The following OTOG variants were observed in gnomAD, a reference collection of about 807,000 sequenced individuals.
OTOG encodes the protein otogelin.
In OTOG, 296 loss-of-function variants were observed where a neutral mutation model predicts 313.8. The observed-to-expected ratio is 0.94, with a 90% CI of 0.86 to 1.04. The LOEUF (loss-of-function observed/expected upper bound fraction) is 1.04. Among genes scored for constraint, OTOG ranks in the 50% least tolerant of loss-of-function variants. The pLI, the probability that OTOG is intolerant of heterozygous loss-of-function variation, is 0.00. For synonymous variants in OTOG, 1,533 were observed against 1,554.9 expected, an observed-to-expected ratio of 0.99 and a Z score of 0.33; for missense variants, 3,948 against 3,840.1, an observed-to-expected ratio of 1.03 and a Z score of -0.74.
intron 15 of OTOG, among the ~76,000 whole-genome samples, chr11:17,565,774 C>T (rs890203819): frequency 6.6e-6 from 1 of 152,160 alleles, no homozygotes; most frequent in African/African-American, 2.4e-5. Flanking sequence ...ATACAGTTGA[C>T]TCCTGTGTCC....
At chr11:17,593,898 C>T in intron 27 of OTOG, 142 bp downstream of exon 27, 2 of 1,393,764 alleles carry the variant, frequency 1.4e-6, no homozygotes, top group Non-Finnish European at 1.9e-6. Context: ...GGCCCCTTCT[C>T]CTCTGACATT....
In OTOG at chr11:17,608,281, C is replaced by T; in HGVS notation, c.4157-15C>T. The stretch of plus-strand genomic sequence containing the variant: ...TTCACCTGACCCAGAGTTGCTGCCC[C>T]ATCTCACTTTCTAGATGCCAAGCCC... On this transcript the variant is annotated splice_polypyrimidine_tract_variant and intron_variant, in intron 33 of 55. Transcript: ENST00000399397. 1 of 1,503,374 alleles carries T rather than the reference C, an allele frequency of 6.7e-7. No homozygotes were observed. The highest frequency in any genetic ancestry group is 1.4e-5 in the African/African-American group (1 of 71,820). 93.1% of individuals were successfully genotyped at this position (1,503,374 alleles called of 1,614,324 possible).
Position 17,573,102 on chromosome 11 carries a change from G to A in OTOG, c.2105G>A (p.Ser702Asn). The change falls in exon 19 of 56, where the codon AGC (serine) becomes AAC (asparagine). Residue 702 changes from serine to asparagine, a missense_variant. Transcript: ENST00000399397. ...GCCTCCTACTCAGTGCAGGCCTGCAGCGTGCTCACGGGGGAGATGTTTGCG... is the reference window on the plus strand; with the variant it reads ...GCCTCCTACTCAGTGCAGGCCTGCAACGTGCTCACGGGGGAGATGTTTGCG... ...QAASYSVQAC[S>N]VLTGEMFAPC... 6.5e-7 allele frequency: 1 copy of A among 1,548,410 alleles called. No homozygotes were observed. Among genetic ancestry groups the A allele is most frequent in the Non-Finnish European group, 8.7e-7 (1 of 1,146,942 alleles).
chr11:17,587,881 C>T (rs912235992), intron 24 of OTOG, among the ~76,000 whole-genome samples: 1 of 152,110 alleles, frequency 6.6e-6, no homozygotes, highest in African/African-American at 2.4e-5. Context: ...CTGGATTTGC[C>T]CAGGGGTGCT....
chr11:17,583,238 G>T (rs952183243), intron 23 of OTOG, among the ~76,000 whole-genome samples: 2 of 152,072 alleles, frequency 1.3e-5, no homozygotes, highest in African/African-American at 2.4e-5. Context: ...TAGCTCAAGC[G>T]ATTCTCCCGC....
At chr11:17,600,818 C>T (rs917672389) in intron 31 of OTOG, among the ~76,000 whole-genome samples, 2 of 152,222 alleles carry the variant, frequency 1.3e-5, no homozygotes, top group African/African-American at 4.8e-5. Flanking sequence ...GTGGCAGTAA[C>T]TGGCAAAGGA....
At chr11:17,548,252 C>T (rs748456656) in intron 3 of OTOG, 40 bp downstream of exon 3, 2 of 1,500,530 alleles carry the variant, frequency 1.3e-6, no homozygotes, top group South Asian at 1.3e-5. Context: ...TGAGCAGGAG[C>T]TCATGTCTAT....
At chr11:17,586,905 G>A (rs547728526) in intron 24 of OTOG, among the ~76,000 whole-genome samples, 15 of 152,338 alleles carry the variant, frequency 9.8e-5, no homozygotes, top group Admixed American at 9.1e-4. Context: ...ATGTGCATAT[G>A]TGAACATGCA....
chr11:17,593,363 T>G (rs1339024077), intron 26 of OTOG, 36 bp downstream of exon 26: 2 of 1,548,448 alleles, frequency 1.3e-6, no homozygotes, highest in Non-Finnish European at 1.7e-6. Flanking sequence ...GTGTAGACAA[T>G]TTACAGGTTA....
intron 39 of OTOG, among the ~76,000 whole-genome samples, chr11:17,615,603 T>C (rs1472122652): frequency 6.6e-6 from 1 of 152,234 alleles, no homozygotes; most frequent in African/African-American, 2.4e-5. Flanking sequence ...AAGAGACTAT[T>C]CTGTCTCCAT....
intron 15 of OTOG, among the ~76,000 whole-genome samples, chr11:17,567,893 CTTTCTTTTCTTTTCT>C (rs138698434): frequency 6.6e-6 from 1 of 150,836 alleles, no homozygotes; most frequent in Non-Finnish European, 1.5e-5. Flanking sequence ...GTTAGTAACA[CTTTCTTTTCTTTTCT>C]TTTCTTTTCT....
At position 17,631,679 on chromosome 11, in the gene OTOG, T is replaced by A. The variant is rs960430601; in HGVS notation, c.6713-23T>A. The A allele has an allele frequency of 2.5e-5, 38 of 1,534,676 alleles. No individual in the cohort carries two copies. The Admixed American group carries it at 7.5e-4, about 30-fold the overall frequency. ...GAGTGGTAGTGATGATCGTGGCTGTTGGGATTGTTTGGCCCCTTTCAGGTA... is the reference window on the plus strand; with the variant it reads ...GAGTGGTAGTGATGATCGTGGCTGTAGGGATTGTTTGGCCCCTTTCAGGTA... On this transcript the variant is annotated intron_variant, in intron 40 of 55. Transcript: ENST00000399397.
chr11:17,572,276 G>T, intron 18 of OTOG, 72 bp downstream of exon 18: 2 of 1,524,630 alleles, frequency 1.3e-6, no homozygotes, highest in Non-Finnish European at 1.8e-6. Flanking sequence ...GAGATGAAAA[G>T]GGAACTCCGG....
chr11:17,605,054 T>G (rs1853348950), intron 32 of OTOG, among the ~76,000 whole-genome samples: 1 of 152,238 alleles, frequency 6.6e-6, no homozygotes. Flanking sequence ...ACCTCGTTGA[T>G]GATCCCTCCA....
At chr11:17,562,571 A>G (rs1243887674) in intron 15 of OTOG, among the ~76,000 whole-genome samples, 1 of 113,534 alleles carries the variant, frequency 8.8e-6, no homozygotes, top group East Asian at 1.9e-4. Context: ...CCCATTTTAC[A>G]AAAAAAAAAT....
At chr11:17,564,246 G>A (rs577595906) in intron 15 of OTOG, among the ~76,000 whole-genome samples, 1 of 152,324 alleles carries the variant, frequency 6.6e-6, no homozygotes, top group South Asian at 2.1e-4. Flanking sequence ...GTGGCCTGTA[G>A]GGAGGTCAGC....
At chr11:17,577,401 G>A (rs1049663140) in intron 22 of OTOG, among the ~76,000 whole-genome samples, 1 of 152,124 alleles carries the variant, frequency 6.6e-6, no homozygotes, top group African/African-American at 2.4e-5. Flanking sequence ...CAACCTTTGA[G>A]AGGCTGTGAG....
intron 20 of OTOG, 149 bp downstream of exon 20, chr11:17,575,061 G>C: frequency 1.3e-6 from 1 of 769,958 alleles, no homozygotes; most frequent in Non-Finnish European, 2.0e-6. Context: ...AAGGTGGGTG[G>C]GCTCCCTCCT....
chr11:17,549,557 G>A (rs910403953), intron 3 of OTOG, among the ~76,000 whole-genome samples: 1 of 152,204 alleles, frequency 6.6e-6, no homozygotes, highest in Non-Finnish European at 1.5e-5. Flanking sequence ...ATTGAGGTGG[G>A]TGGATGACTT....
Sources: gnomAD v4.1 joint callset for allele counts (sites outside exome capture counted in the v4.1 genomes callset) on GRCh38, gnomAD v4.1.1 for gene constraint, MANE v1.5 for transcripts, NCBI Gene and HGNC (gene_info 2026-07-23, HGNC 2026-07-21) for gene names.